GRID1: variants seen among roughly 807,000 people sequenced by gnomAD.
The protein encoded by GRID1 is glutamate receptor ionotropic, delta-1.
GRID1 carries 28 observed loss-of-function variants against 98.0 expected under a neutral mutation model. The observed-to-expected ratio is 0.29, with a 90% CI of 0.21 to 0.39. The LOEUF is 0.39. GRID1 is among the 10% of genes least tolerant of loss of function. The pLI, the probability that GRID1 is intolerant of heterozygous loss-of-function variation, is 1.00. For synonymous variants in GRID1, 553 were observed against 538.5 expected (o/e 1.03, Z -0.37); for missense variants, 1,111 against 1,340.5 (o/e 0.83, Z 2.67).
intron 2 of GRID1, among the ~76,000 whole-genome samples, chr10:86,291,036 A>G (rs1847505346): frequency 6.6e-6 from 1 of 152,164 alleles, no homozygotes; most frequent in Admixed American, 6.5e-5. Context: ...AGGTCCCAAG[A>G]GCTTCCCAGG....
Position 85,927,057 on chromosome 10 carries a change from A to T in GRID1, c.727-10818T>A, listed in dbSNP as rs546873688. Among the ~76,000 whole-genome samples, 11 of 152,316 alleles carry T rather than the reference A, an allele frequency of 7.2e-5. No homozygotes were observed. The South Asian group carries it at 2.3e-3, about 32-fold the overall frequency. ...CCCACTTACCTAGCCCTGGTCTCTCAGGCCACTGCTCTAATTCAAATGCTC... is the reference window on the plus strand; with the variant it reads ...CCCACTTACCTAGCCCTGGTCTCTCTGGCCACTGCTCTAATTCAAATGCTC... On this transcript the variant is annotated intron_variant, in intron 4 of 15. Coordinates refer to ENST00000327946, the MANE Select transcript of GRID1 (RefSeq NM_017551.3).
chr10:85,800,934 T>G (rs935593951), intron 8 of GRID1, among the ~76,000 whole-genome samples: 2 of 151,924 alleles, frequency 1.3e-5, no homozygotes, highest in Non-Finnish European at 2.9e-5. Flanking sequence ...GCTGTTTCGT[T>G]AAAATAGAAA....
rs1272877180 is a variant in GRID1, at chr10:85,825,771, G to A, written c.1233+28725C>T. Among the ~76,000 whole-genome samples the A allele has an allele frequency of 2.0e-5, 3 of 151,932 alleles. No homozygotes were observed. The East Asian group carries it at 5.8e-4, about 29-fold the overall frequency. ...AATAGAAAACATAATCACAAAAAGA[G>A]AATGGAAAAAATAGTAAAAAACAAC... On this transcript the variant is annotated intron_variant, in intron 8 of 15. Coordinates refer to ENST00000327946, the MANE Select transcript of GRID1 (RefSeq NM_017551.3).
chr10:86,139,999 G>A (rs1215345158), intron 3 of GRID1, among the ~76,000 whole-genome samples: 1 of 152,228 alleles, frequency 6.6e-6, no homozygotes, highest in Non-Finnish European at 1.5e-5. Flanking sequence ...GTCTGAGAGT[G>A]AGACACGGTC....
At chr10:86,095,402 A>G (rs997278803) in intron 4 of GRID1, among the ~76,000 whole-genome samples, 2 of 152,262 alleles carry the variant, frequency 1.3e-5, no homozygotes, top group African/African-American at 4.8e-5. Flanking sequence ...AGGAACAGTC[A>G]GCAGCATAAA....
intron 4 of GRID1, among the ~76,000 whole-genome samples, chr10:86,092,006 T>C (rs1844156735): frequency 6.6e-6 from 1 of 152,042 alleles, no homozygotes; most frequent in Non-Finnish European, 1.5e-5. Flanking sequence ...TCCTAGACCT[T>C]CCCTCTGACA....
intron 12 of GRID1, among the ~76,000 whole-genome samples, chr10:85,678,618 C>T (rs1408295174): frequency 1.3e-5 from 2 of 152,174 alleles, no homozygotes; most frequent in African/African-American, 4.8e-5. Flanking sequence ...TTTCTCTAGT[C>T]TCCTTAGAGA....
Position 85,915,974 on chromosome 10 carries a change from C to G in GRID1, c.780+212G>C, listed in dbSNP as rs374383566. On this transcript the variant is annotated intron_variant, in intron 5 of 15. Coordinates refer to ENST00000327946, the MANE Select transcript of GRID1 (RefSeq NM_017551.3). ...CTGACTTTTGACTTCCTCATGGACCCAGGTCAGGATTCTTTCTCTCGTTCC... is the reference window on the plus strand; with the variant it reads ...CTGACTTTTGACTTCCTCATGGACCGAGGTCAGGATTCTTTCTCTCGTTCC... 5.9e-5 allele frequency among the ~76,000 whole-genome samples: 9 copies of G among 152,314 alleles called. No individual in the cohort carries two copies. The East Asian group carries it at 1.2e-3, about 20-fold the overall frequency.
chr10:85,940,274 C>A (rs1398085892), intron 4 of GRID1, among the ~76,000 whole-genome samples: 1 of 152,236 alleles, frequency 6.6e-6, no homozygotes, highest in East Asian at 1.9e-4. Context: ...CAACACTCTG[C>A]TCTTATTTAC....
At chr10:85,627,349 A>C (rs192269310) in intron 13 of GRID1, among the ~76,000 whole-genome samples, 109 of 152,334 alleles carry the variant, frequency 7.2e-4, no homozygotes, top group African/African-American at 2.4e-3. Context: ...AATATGTGTG[A>C]TGTGCTCAGG....
chr10:85,720,336 A>T (rs1841685717), intron 12 of GRID1, among the ~76,000 whole-genome samples: 2 of 152,118 alleles, frequency 1.3e-5, no homozygotes, highest in African/African-American at 4.8e-5. Flanking sequence ...GAAAAAATTT[A>T]TATATATAGA....
chr10:85,905,601 T>C (rs577508496), intron 5 of GRID1, among the ~76,000 whole-genome samples: 1 of 152,276 alleles, frequency 6.6e-6, no homozygotes, highest in South Asian at 2.1e-4. Context: ...ATTATAACAA[T>C]TACATTGAGT....
chr10:86,289,939 G>T (rs1455350560), intron 2 of GRID1, among the ~76,000 whole-genome samples: 2 of 152,318 alleles, frequency 1.3e-5, no homozygotes, highest in East Asian at 1.9e-4. Flanking sequence ...TGGGTGGGAA[G>T]GACATTCCTA....
intron 2 of GRID1, among the ~76,000 whole-genome samples, chr10:86,273,939 G>A (rs1289970077): frequency 6.6e-6 from 1 of 151,286 alleles, no homozygotes; most frequent in African/African-American, 2.4e-5. Context: ...TGTCAATTTT[G>A]GCTTTTGTTG....
At chr10:86,142,273 C>T (rs541718166) in intron 3 of GRID1, among the ~76,000 whole-genome samples, 301 of 152,332 alleles carry the variant, frequency 2.0e-3, no homozygotes, top group African/African-American at 6.6e-3. Context: ...AGTTTTGGGA[C>T]GGTTTGTTTC....
chr10:85,622,140 A>G (rs541182387), intron 13 of GRID1, among the ~76,000 whole-genome samples: 1 of 152,198 alleles, frequency 6.6e-6, no homozygotes, highest in Non-Finnish European at 1.5e-5. Context: ...CCTTCAAGCC[A>G]TTTGGGCATT....
At chr10:86,353,664 G>C (rs971155570) in intron 2 of GRID1, among the ~76,000 whole-genome samples, 1 of 152,222 alleles carries the variant, frequency 6.6e-6, no homozygotes, top group Non-Finnish European at 1.5e-5. Context: ...GCCAGCTCCA[G>C]TTGGGGTTCT....
chr10:86,259,326 C>CCTCTCT (rs147096411), intron 2 of GRID1, among the ~76,000 whole-genome samples: 1 of 151,590 alleles, frequency 6.6e-6, no homozygotes, highest in Non-Finnish European at 1.5e-5. Context: ...TCTCTCTCTA[C>CCTCTCT]CTCTCTCTCT....
chr10:86,048,773 T>G (rs1395576785), intron 4 of GRID1, among the ~76,000 whole-genome samples: 1 of 152,242 alleles, frequency 6.6e-6, no homozygotes, highest in Non-Finnish European at 1.5e-5. Flanking sequence ...ACTCACCTTA[T>G]TTATAGTGTC....
Sources: gnomAD v4.1 joint callset for allele counts (sites outside exome capture counted in the v4.1 genomes callset) on GRCh38, gnomAD v4.1.1 for gene constraint, MANE v1.5 for transcripts, NCBI Gene and HGNC (gene_info 2026-07-23, HGNC 2026-07-21) for gene names.